Variants in GLIS3 observed in about 807,000 individuals in gnomAD.
GLIS3 encodes the protein GLIS family zinc finger 3, also known as zinc finger protein GLIS3.
Under a neutral mutation model 78.6 loss-of-function variants are expected in GLIS3, and 53 were observed. That is an observed-to-expected ratio of 0.67 (90% confidence interval 0.54 to 0.85). GLIS3 has a LOEUF of 0.85. GLIS3 is among the 40% of genes least tolerant of loss of function. The pLI is 0.00. For synonymous variants in GLIS3, 684 were observed against 509.9 expected (o/e 1.34, Z -4.60); for missense variants, 1,703 against 1,231.1 (o/e 1.38, Z -5.74).
rs116575142 is a variant in GLIS3 at position 3,874,252 on chromosome 9, G to A, written c.2297+5175C>T. On this transcript the variant is annotated intron_variant, in intron 8 of 10. Coordinates refer to ENST00000381971, the MANE Select transcript of GLIS3 (RefSeq NM_001042413.2). Reference sequence around the variant, plus strand: ...GATGGCCAATGATGTAATCAATCACGCCTATGTAATGAAGTCTCCATAAAA... The same window carrying A: ...GATGGCCAATGATGTAATCAATCACACCTATGTAATGAAGTCTCCATAAAA... Among the ~76,000 whole-genome samples, 50 of 152,262 alleles carry A rather than the reference G, an allele frequency of 3.3e-4. 1 individual carries two copies. The highest frequency in any genetic ancestry group is 1.2e-3 in the African/African-American group (48 of 41,554).
At chr9:4,089,236 C>G (rs575422393) in intron 4 of GLIS3, among the ~76,000 whole-genome samples, 1 of 152,200 alleles carries the variant, frequency 6.6e-6, no homozygotes, top group Admixed American at 6.5e-5. Context: ...ATAAATGGAA[C>G]AGTACTAACA....
At chr9:4,107,791 G>C (rs2130829413) in intron 4 of GLIS3, among the ~76,000 whole-genome samples, 1 of 150,192 alleles carries the variant, frequency 6.7e-6, no homozygotes, top group Middle Eastern at 3.5e-3. Context: ...TTTCTGAGGA[G>C]CCAGAGACAA....
At chr9:4,448,835 A>G in the GLIS3 span, among the ~76,000 whole-genome samples, 1 of 152,214 alleles carries the variant, frequency 6.6e-6, no homozygotes, top group Non-Finnish European at 1.5e-5. Context: ...AAAAAAAGAA[A>G]AAAACTGATA....
chr9:3,935,460 G>T (rs1279156779), intron 5 of GLIS3, among the ~76,000 whole-genome samples: 1 of 152,112 alleles, frequency 6.6e-6, no homozygotes, highest in African/African-American at 2.4e-5. Context: ...ATTCCAAAAT[G>T]ATTTCTGAAA....
intron 4 of GLIS3, among the ~76,000 whole-genome samples, chr9:4,078,853 G>A (rs573467123): frequency 6.6e-6 from 1 of 152,270 alleles, no homozygotes; most frequent in Admixed American, 6.5e-5. Flanking sequence ...AGAGGGCATT[G>A]GATCATCAGA....
At chr9:4,462,056 G>T in the GLIS3 span, among the ~76,000 whole-genome samples, 1 of 152,184 alleles carries the variant, frequency 6.6e-6, no homozygotes, top group Non-Finnish European at 1.5e-5. Flanking sequence ...CACGAAGTGA[G>T]TTGGCATGTC....
At chr9:4,401,593 A>T in the GLIS3 span, among the ~76,000 whole-genome samples, 2 of 126,230 alleles carry the variant, frequency 1.6e-5, no homozygotes. Context: ...TTTGCAACAG[A>T]GTCTCACTCT....
At chr9:4,092,696 C>A (rs1829624202) in intron 4 of GLIS3, among the ~76,000 whole-genome samples, 3 of 152,272 alleles carry the variant, frequency 2.0e-5, no homozygotes, top group East Asian at 3.9e-4. Flanking sequence ...GAGCTGTCAT[C>A]TCCCATAATA....
At chr9:3,958,111 T>G (rs971954308) in intron 4 of GLIS3, among the ~76,000 whole-genome samples, 1 of 152,206 alleles carries the variant, frequency 6.6e-6, no homozygotes, top group African/African-American at 2.4e-5. Context: ...CCTTCCACTC[T>G]CTCAGTTCCC....
Position 4,265,302 on chromosome 9 carries a change from T to C in GLIS3, c.388+20736A>G, listed in dbSNP as rs1333214816. Among the ~76,000 whole-genome samples the C allele has an allele frequency of 2.6e-5, 4 of 152,086 alleles. No homozygotes were observed. The South Asian group carries it at 8.3e-4, about 32-fold the overall frequency. On this transcript the variant is annotated intron_variant, in intron 2 of 10. Coordinates refer to ENST00000381971, the MANE Select transcript of GLIS3 (RefSeq NM_001042413.2). Reference sequence around the variant, plus strand: ...AATGCGCTACTTAACATAGTAGCATTTCTCATGTACCAGGCATTATACTAA... The same window carrying C: ...AATGCGCTACTTAACATAGTAGCATCTCTCATGTACCAGGCATTATACTAA...
rs760535978 is a variant in GLIS3 at position 4,053,705 on chromosome 9, T to TAA, written c.1710+64061_1710+64062dup. Among the ~76,000 whole-genome samples, 421 of 91,138 alleles carry TAA rather than the reference T, an allele frequency of 4.6e-3. 15 individuals carry two copies. Among genetic ancestry groups the TAA allele is most frequent in the East Asian group, 0.019 (51 of 2,710 alleles). 59.8% of individuals were successfully genotyped at this position (91,138 alleles called of 152,430 possible). A position where few individuals can be genotyped will look rare whatever the true frequency, so the allele number is the denominator to read the frequency against. ...AGTGCCTACTTGTTTTCTTTCTTCA[T>TAA]AAAAAAAAAAAAAAAAAATTCTGGA... is the stretch of plus-strand genomic sequence containing the variant. On this transcript the variant is annotated intron_variant, in intron 4 of 10. Coordinates refer to ENST00000381971, the MANE Select transcript of GLIS3 (RefSeq NM_001042413.2).
intron 2 of GLIS3, among the ~76,000 whole-genome samples, chr9:4,213,655 C>T (rs1820563546): frequency 6.6e-6 from 1 of 152,140 alleles, no homozygotes; most frequent in East Asian, 1.9e-4. Flanking sequence ...TTTGTAAGCA[C>T]AGGTTGTGTA....
At chr9:4,040,103 A>G (rs899431280) in intron 4 of GLIS3, among the ~76,000 whole-genome samples, 1 of 152,174 alleles carries the variant, frequency 6.6e-6, no homozygotes, top group Non-Finnish European at 1.5e-5. Context: ...CCCCCTACAC[A>G]GTCCTGGTAC....
chr9:4,351,006 G>A (rs543130562), upstream of GLIS3, among the ~76,000 whole-genome samples: 49 of 152,092 alleles, frequency 3.2e-4, no homozygotes, highest in East Asian at 3.9e-3. Flanking sequence ...CCGCCATGAA[G>A]CTTGTCCTAT....
intron 9 of GLIS3, among the ~76,000 whole-genome samples, chr9:3,854,599 C>T (rs34051902): frequency 0.17 from 26,250 of 151,356 alleles, 2,837 homozygotes; most frequent in East Asian, 0.48. Context: ...TACAGTGACG[C>T]GATCTTGGCT....
intron 2 of GLIS3, among the ~76,000 whole-genome samples, chr9:4,138,132 A>G (rs1390621364): frequency 6.6e-6 from 1 of 152,254 alleles, no homozygotes; most frequent in East Asian, 1.9e-4. Flanking sequence ...GCTTAGATCA[A>G]GCCTCATCTG....
At chr9:4,171,252 G>A (rs549024862) in intron 2 of GLIS3, among the ~76,000 whole-genome samples, 2 of 152,214 alleles carry the variant, frequency 1.3e-5, no homozygotes, top group African/African-American at 4.8e-5. Flanking sequence ...AAGATAAAAG[G>A]TTCTATTTAT....
At chr9:3,862,704 C>T (rs969587590) in intron 8 of GLIS3, among the ~76,000 whole-genome samples, 1 of 152,086 alleles carries the variant, frequency 6.6e-6, no homozygotes, top group Non-Finnish European at 1.5e-5. Flanking sequence ...TGTTTTTACA[C>T]GATCAACTAG....
the GLIS3 span, among the ~76,000 whole-genome samples, chr9:4,471,854 C>T: frequency 6.6e-6 from 1 of 152,094 alleles, no homozygotes; most frequent in Non-Finnish European, 1.5e-5. Flanking sequence ...TGCAATCTAC[C>T]CGTCTGACAG....
Sources: allele counts gnomAD v4.1 joint callset (sites outside exome capture counted in the v4.1 genomes callset), GRCh38; gene constraint gnomAD v4.1.1; transcripts MANE v1.5; gene names NCBI Gene and HGNC (gene_info 2026-07-23, HGNC 2026-07-21).